The following SHPRH variants were observed in gnomAD, a reference collection of about 807,000 sequenced individuals.
SHPRH encodes SNF2 histone linker PHD RING helicase.
Under a neutral mutation model 202.5 loss-of-function variants are expected in SHPRH, and 106 were observed. The ratio of observed to expected loss-of-function variants is 0.52; its 90% CI spans 0.45 to 0.62. The LOEUF (loss-of-function observed/expected upper bound fraction) is 0.62. SHPRH is among the 20% of genes least tolerant of loss of function. The probability of loss-of-function intolerance (pLI) is 0.00; values close to 1 mark genes in which losing one functional copy is unlikely to be tolerated. For synonymous variants in SHPRH, 729 were observed against 686.0 expected (o/e 1.06, Z -0.98); for missense variants, 1,710 against 2,020.0 (o/e 0.85, Z 2.94).
chr6:145,920,887 A>C (rs1784380671), intron 21 of SHPRH, among the ~76,000 whole-genome samples: 1 of 152,128 alleles, frequency 6.6e-6, no homozygotes, highest in Non-Finnish European at 1.5e-5. Context: ...GATCAAGCTA[A>C]TAATAGAATG....
At chr6:145,928,140 T>C (rs1265530825) in intron 14 of SHPRH, among the ~76,000 whole-genome samples, 7 of 152,064 alleles carry the variant, frequency 4.6e-5, no homozygotes, top group Admixed American at 3.9e-4. Flanking sequence ...TTATACTGCC[T>C]GTGGCTGCTG....
At chr6:145,934,820 T>A (rs1785893644) in intron 13 of SHPRH, 87 bp downstream of exon 13, 11 of 1,315,680 alleles carry the variant, frequency 8.4e-6, no homozygotes, top group African/African-American at 1.5e-5. Flanking sequence ...GACAACTCAG[T>A]TACATGTCTC....
intron 25 of SHPRH, among the ~76,000 whole-genome samples, chr6:145,897,076 G>A (rs1782076038): frequency 6.6e-6 from 1 of 151,040 alleles, no homozygotes; most frequent in African/African-American, 2.4e-5. Flanking sequence ...ATAGAGATCA[G>A]AAAAAAAATT....
intron 5 of SHPRH, 25 bp downstream of exon 5, chr6:145,948,247 G>A: frequency 1.3e-6 from 2 of 1,498,736 alleles, no homozygotes; most frequent in Non-Finnish European, 1.8e-6. Context: ...TTTAAATCAA[G>A]CATATAAGTA....
chr6:145,957,640 C>G (rs963354940), intron 1 of SHPRH, among the ~76,000 whole-genome samples: 1 of 152,002 alleles, frequency 6.6e-6, no homozygotes, highest in African/African-American at 2.4e-5. Context: ...AAATTCAACC[C>G]ACAAATCACA....
At chr6:145,879,738 C>G (rs1469002131) in intron 2 of SHPRH, among the ~76,000 whole-genome samples, 3 of 151,734 alleles carry the variant, frequency 2.0e-5, no homozygotes, top group Non-Finnish European at 4.4e-5. Flanking sequence ...TGGTGAAACC[C>G]CGTGTTTACT....
chr6:145,963,440 G>C (rs1306855753), intron 1 of SHPRH, among the ~76,000 whole-genome samples: 3 of 152,136 alleles, frequency 2.0e-5, no homozygotes, highest in African/African-American at 7.2e-5. Flanking sequence ...TGGAAAAAGG[G>C]CACAAGCTTC....
At chr6:145,942,492 T>C (rs1562353491) in intron 9 of SHPRH, among the ~76,000 whole-genome samples, 4 of 152,208 alleles carry the variant, frequency 2.6e-5, no homozygotes, top group Admixed American at 2.0e-4. Context: ...CTTATTACAG[T>C]ATTCTCCATG....
chr6:145,963,349 CAAGTTCCTT>C (rs1582857376), intron 1 of SHPRH, among the ~76,000 whole-genome samples: 2 of 152,238 alleles, frequency 1.3e-5, no homozygotes, highest in South Asian at 2.1e-4. Context: ...GAAAAAGCCC[CAAGTTCCTT>C]AAGTTCCTTA....
At chr6:145,874,128 G>A (rs1780189876) in intron 2 of SHPRH, among the ~76,000 whole-genome samples, 1 of 152,064 alleles carries the variant, frequency 6.6e-6, no homozygotes, top group South Asian at 2.1e-4. Flanking sequence ...AATTCAGGAA[G>A]AGGAGGTTGC....
chr6:145,950,238 A>C (rs779341677), intron 4 of SHPRH, 26 bp downstream of exon 4: 9 of 1,600,816 alleles, frequency 5.6e-6, no homozygotes, highest in Non-Finnish European at 7.7e-6. Context: ...AATCAATTGG[A>C]CTTTCTTTAA....
chr6:145,893,484 C>CTATT, intron 27 of SHPRH, 91 bp from the exon 28 acceptor site: 1 of 1,160,408 alleles, frequency 8.6e-7, no homozygotes. Context: ...CTAATGCTAT[C>CTATT]TATTACTATT....
chr6:145,952,985 G>T (rs1788139537), intron 2 of SHPRH, among the ~76,000 whole-genome samples: 2 of 152,032 alleles, frequency 1.3e-5, no homozygotes, highest in African/African-American at 4.8e-5. Context: ...TTTTACAGTT[G>T]AAAGACTTGA....
At chr6:145,933,343 A>T in intron 13 of SHPRH, 165 bp from the exon 14 acceptor site, 1 of 954,230 alleles carries the variant, frequency 1.0e-6, no homozygotes, top group Non-Finnish European at 1.5e-6. Flanking sequence ...TTTCCCACAT[A>T]AGTACCTTTA....
At chr6:145,956,776 T>C (rs1461556470) in intron 1 of SHPRH, among the ~76,000 whole-genome samples, 1 of 152,092 alleles carries the variant, frequency 6.6e-6, no homozygotes, top group Non-Finnish European at 1.5e-5. Flanking sequence ...ATCTATACAG[T>C]GTACTATGTT....
intron 20 of SHPRH, 56 bp downstream of exon 20, chr6:145,922,230 G>A (rs1291807435): frequency 1.1e-5 from 16 of 1,464,654 alleles, no homozygotes; most frequent in Admixed American, 6.1e-5. Context: ...TCACATAACT[G>A]AGTCTTGCAA....
chr6:145,919,024 CA>C (rs1784192801), intron 22 of SHPRH: 1 of 183,084 alleles, frequency 5.5e-6, no homozygotes, highest in South Asian at 1.8e-4. Context: ...ACTGAGGTGA[CA>C]AAAATGTCTA....
At chr6:145,955,885 A>G (rs1191945671) in intron 1 of SHPRH, among the ~76,000 whole-genome samples, 2 of 152,154 alleles carry the variant, frequency 1.3e-5, no homozygotes, top group Non-Finnish European at 2.9e-5. Flanking sequence ...ACATTCAAAC[A>G]GCTACTGTAA....
rs943048388 is a variant in SHPRH at position 145,885,877 on chromosome 6, T to C, written c.*814A>G. Reference sequence around the variant, plus strand: ...AAAAAAAAACCCTGCCATATTTCCATGTTATAATAAAACAAAATCATAAAA... The same window carrying C: ...AAAAAAAAACCCTGCCATATTTCCACGTTATAATAAAACAAAATCATAAAA... On this transcript the variant is annotated 3_prime_UTR_variant, in exon 30 of 30. Transcript: ENST00000275233. 6.6e-6 allele frequency: 1 copy of C among 151,832 alleles called. No individual in the cohort carries two copies. The highest frequency in any genetic ancestry group is 1.9e-4 in the East Asian group (1 of 5,182). The allele number at this position is 151,832 out of a possible 1,614,324, so 9.4% of individuals were successfully genotyped here. A position where few individuals can be genotyped will look rare whatever the true frequency, so the allele number is the denominator to read the frequency against.
Sources: allele counts gnomAD v4.1 joint callset (sites outside exome capture counted in the v4.1 genomes callset), GRCh38; gene constraint gnomAD v4.1.1; transcripts MANE v1.5; gene names NCBI Gene and HGNC (gene_info 2026-07-23, HGNC 2026-07-21).